The following PSD3 variants were observed in gnomAD, a reference collection of about 807,000 sequenced individuals.
PSD3 encodes PH and SEC7 domain-containing protein 3.
PSD3 carries 49 observed loss-of-function variants against 105.5 expected under a neutral mutation model. That is an observed-to-expected ratio of 0.46 (90% CI 0.37 to 0.59). PSD3 has a LOEUF of 0.59. Among genes scored for constraint, PSD3 ranks in the 20% least tolerant of loss-of-function variants. The pLI, the probability that PSD3 is intolerant of heterozygous loss-of-function variation, is 0.00. For missense variants in PSD3, 1,561 were observed against 1,263.8 expected (o/e 1.24, Z -3.57); for synonymous variants, 557 against 457.8 (o/e 1.22, Z -2.77).
At chr8:18,667,210 G>A (rs574210985) in intron 9 of PSD3, among the ~76,000 whole-genome samples, 6 of 152,080 alleles carry the variant, frequency 3.9e-5, no homozygotes, top group African/African-American at 7.2e-5. Flanking sequence ...ACAGAGAGCC[G>A]ATTACTCTGT....
chr8:18,708,857 G>C (rs1802061462), intron 9 of PSD3, among the ~76,000 whole-genome samples: 3 of 151,970 alleles, frequency 2.0e-5, no homozygotes, highest in African/African-American at 4.8e-5. Context: ...GTAGAACAAT[G>C]GCCAACCTGA....
chr8:19,000,796 T>C (rs1461600721), intron 1 of PSD3: 1 of 151,898 alleles, frequency 6.6e-6, no homozygotes, highest in African/African-American at 2.4e-5. Context: ...TCAGAGCACC[T>C]ACTCTGCCGT....
chr8:18,585,965 T>G (rs1259987625), intron 12 of PSD3, among the ~76,000 whole-genome samples: 1 of 152,088 alleles, frequency 6.6e-6, no homozygotes, highest in Non-Finnish European at 1.5e-5. Context: ...GAAGAGCCTT[T>G]TAATGCTCTT....
chr8:18,654,190 T>G (rs913316702), intron 10 of PSD3, among the ~76,000 whole-genome samples: 1 of 152,124 alleles, frequency 6.6e-6, no homozygotes, highest in Non-Finnish European at 1.5e-5. Flanking sequence ...CTCCCTAACT[T>G]GCAATAGGAC....
At chr8:18,946,708 T>C (rs11774089) in intron 1 of PSD3, among the ~76,000 whole-genome samples, 99,302 of 151,692 alleles carry the variant, frequency 0.65, 32,741 homozygotes, top group Non-Finnish European at 0.67. Flanking sequence ...AAGACAAGCC[T>C]GACCAATATG....
At chr8:18,755,922 C>T (rs1806006557) in intron 9 of PSD3, among the ~76,000 whole-genome samples, 1 of 152,130 alleles carries the variant, frequency 6.6e-6, no homozygotes, top group South Asian at 2.1e-4. Context: ...CGAAAGCAGG[C>T]TGCCAGACCT....
intron 8 of PSD3, among the ~76,000 whole-genome samples, chr8:18,772,020 G>C (rs1807587194): frequency 6.6e-6 from 1 of 152,092 alleles, no homozygotes; most frequent in African/African-American, 2.4e-5. Context: ...TTAGCATAAT[G>C]TCCTCAAGGT....
chr8:18,809,862 CA>C (rs1563298117), intron 4 of PSD3, among the ~76,000 whole-genome samples: 2 of 151,598 alleles, frequency 1.3e-5, no homozygotes, highest in East Asian at 3.9e-4. Flanking sequence ...ACAAAAAAAA[CA>C]AAACAAAAAC....
At chr8:18,579,161 A>T (rs543015751) in intron 12 of PSD3, among the ~76,000 whole-genome samples, 1 of 151,308 alleles carries the variant, frequency 6.6e-6, no homozygotes, top group East Asian at 1.9e-4. Flanking sequence ...GTAGAGTGGA[A>T]ACATTAGGGT....
At chr8:18,964,916 TTA>T (rs1824145377) in intron 1 of PSD3, among the ~76,000 whole-genome samples, 1 of 152,224 alleles carries the variant, frequency 6.6e-6, no homozygotes, top group Non-Finnish European at 1.5e-5. Context: ...CTCTAAAATG[TTA>T]TTTGTTTAAA....
At chr8:18,842,092 G>A (rs1203918819) in intron 4 of PSD3, among the ~76,000 whole-genome samples, 1 of 152,086 alleles carries the variant, frequency 6.6e-6, no homozygotes, top group Non-Finnish European at 1.5e-5. Flanking sequence ...GATTTCCAAA[G>A]TCTTGGAATA....
At chr8:18,650,735 A>C (rs1409001440) in intron 10 of PSD3, among the ~76,000 whole-genome samples, 1 of 152,220 alleles carries the variant, frequency 6.6e-6, no homozygotes, top group African/African-American at 2.4e-5. Context: ...CTTGCTACTA[A>C]CTTAAGGAAA....
intron 9 of PSD3, among the ~76,000 whole-genome samples, chr8:18,697,033 A>AGGGGTCTGAGCCCT (rs1250548167): frequency 1.3e-5 from 2 of 151,992 alleles, no homozygotes; most frequent in Non-Finnish European, 2.9e-5. Context: ...ACTTGAGCCC[A>AGGGGTCTGAGCCCT]GGGGTTTGAG....
chr8:18,985,470 C>T (rs1825454774), intron 1 of PSD3, among the ~76,000 whole-genome samples: 1 of 152,028 alleles, frequency 6.6e-6, no homozygotes, highest in African/African-American at 2.4e-5. Flanking sequence ...CCAGGAATTC[C>T]CTAGTTAAGA....
At chr8:18,594,574 T>C (rs1440676396) in intron 12 of PSD3, among the ~76,000 whole-genome samples, 2 of 149,130 alleles carry the variant, frequency 1.3e-5, no homozygotes, top group Non-Finnish European at 3.0e-5. Flanking sequence ...CAACTTGAAA[T>C]GAAAGAATGC....
chr8:18,743,495 G>C (rs1029399927), intron 9 of PSD3, among the ~76,000 whole-genome samples: 1 of 152,068 alleles, frequency 6.6e-6, no homozygotes, highest in Non-Finnish European at 1.5e-5. Context: ...ACAAACAGTC[G>C]TTCTCCTTGG....
chr8:18,796,096 A>G (rs940403910), intron 8 of PSD3, among the ~76,000 whole-genome samples: 4 of 152,354 alleles, frequency 2.6e-5, no homozygotes, highest in African/African-American at 9.6e-5. Context: ...CAGACAAGTA[A>G]AAACAAGTAG....
chr8:18,648,105 G>A (rs898260382), intron 10 of PSD3, among the ~76,000 whole-genome samples: 50 of 147,358 alleles, frequency 3.4e-4, no homozygotes, highest in African/African-American at 1.2e-3. Flanking sequence ...CAGAAAAATG[G>A]GTCCCAAGAA....
chr8:19,078,598 C>T (rs973303082), intron 1 of PSD3, among the ~76,000 whole-genome samples: 2 of 151,986 alleles, frequency 1.3e-5, no homozygotes, highest in Non-Finnish European at 2.9e-5. Context: ...CTTTCCCAGA[C>T]CTCCATGGTG....
Sources: allele counts gnomAD v4.1 joint callset (sites outside exome capture counted in the v4.1 genomes callset), GRCh38; gene constraint gnomAD v4.1.1; transcripts MANE v1.5; gene names NCBI Gene and HGNC (gene_info 2026-07-23, HGNC 2026-07-21).